The following HBB variants were observed in gnomAD, a reference collection of about 807,000 sequenced individuals.
HBB encodes Hb Monza protein.
A neutral mutation model predicts 9.7 loss-of-function variants in HBB; 18 were observed. The ratio of observed to expected loss-of-function variants is 1.86; its 90% CI spans 1.28 to 2.76. The LOEUF is 2.76. Ranked by LOEUF, HBB falls within the 30% of genes most tolerant of loss-of-function variation. The probability of loss-of-function intolerance (pLI) is 0.00; values close to 1 mark genes in which losing one functional copy is unlikely to be tolerated. For missense variants in HBB, 156 were observed against 177.0 expected (o/e 0.88, Z 0.67); for synonymous variants, 99 against 73.6 (o/e 1.35, Z -1.77).
At position 5,226,467 on chromosome 11, in the gene HBB, C is replaced by T. The variant is rs946957516; in HGVS notation, c.315+110G>A. The T allele has an allele frequency of 1.4e-5, 13 of 954,560 alleles. No individual in the cohort carries two copies. Among genetic ancestry groups the T allele is most frequent in the South Asian group, 4.0e-5 (3 of 74,284 alleles). 59.1% of individuals were successfully genotyped at this position (954,560 alleles called of 1,614,324 possible). On this transcript the variant is annotated intron_variant, in intron 2 of 2. Coordinates refer to ENST00000335295, the MANE Select transcript of HBB (RefSeq NM_000518.5). ...AGACTTCCACACTGATGCAATCATT[C>T]GTCTGTTTCCCATTCTAAACTGTAC...
intron 2 of HBB, 141 bp downstream of exon 2, chr11:5,226,436 A>G: frequency 1.3e-6 from 1 of 775,966 alleles, no homozygotes; most frequent in Non-Finnish European, 2.2e-6. Flanking sequence ...AACTAAAACG[A>G]TCCTGAGACT....
rs930802593 is a variant in HBB at position 5,225,833 on chromosome 11, C to G, written c.316-107G>C. The stretch of plus-strand genomic sequence containing the variant: ...CCATAAAATAAAAGCAGAATGGTAG[C>G]TGGATTGTAGCTGCTATTAGCAATA... On this transcript the variant is annotated intron_variant, in intron 2 of 2. Transcript: ENST00000335295. The G allele has an allele frequency of 8.6e-7, 1 of 1,156,310 alleles. No individual in the cohort carries two copies. The highest frequency in any genetic ancestry group is 1.5e-5 in the African/African-American group (1 of 66,034). The allele number at this position is 1,156,310 out of a possible 1,614,324, so 71.6% of individuals were successfully genotyped here.
rs33925391 is a variant in HBB, at chr11:5,225,662, A to C, written c.380T>G (p.Val127Gly). The stretch of plus-strand genomic sequence containing the variant: ...CACCACTTTCTGATAGGCAGCCTGC[A>C]CTGGTGGGGTGAATTCTTTGCCAAA... The part of the protein sequence containing the change: ...HHFGKEFTPP[V>G]QAAYQKVVAG... The change falls in exon 3 of 3, where the codon GTG (valine) becomes GGG (glycine). Residue 127 changes from valine (V) to glycine (G), a missense_variant. Coordinates refer to ENST00000335295, the MANE Select transcript of HBB (RefSeq NM_000518.5). The C allele has an allele frequency of 1.9e-6, 3 of 1,614,070 alleles. No individual in the cohort carries two copies. The highest frequency in any genetic ancestry group is 1.1e-5 in the South Asian group (1 of 91,078).
rs11549407 is a variant in HBB at position 5,226,774 on chromosome 11, G to A, written c.118C>T (p.Gln40Ter). 254 of 1,614,132 alleles carry A rather than the reference G, an allele frequency of 1.6e-4. No homozygotes were observed. Among genetic ancestry groups the A allele is most frequent in the Middle Eastern group, 6.6e-4 (4 of 6,062 alleles). The change falls in exon 2 of 3, where the codon CAG becomes TAG. Residue 40 changes from glutamine (Q) to a stop codon, truncating the protein, a stop_gained. Coordinates refer to ENST00000335295, the MANE Select transcript of HBB (RefSeq NM_000518.5). LOFTEE classifies it high-confidence loss of function. Reference protein sequence around the residue: ...GRLLVVYPWTQRFFESFGDLS... With the variant: ...GRLLVVYPWT ...TCCCCAAAGGACTCAAAGAACCTCTGGGTCCAAGGGTAGACCACCAGCAGC... is the reference window on the plus strand; with the variant it reads ...TCCCCAAAGGACTCAAAGAACCTCTAGGTCCAAGGGTAGACCACCAGCAGC...
rs34676051 is a variant in HBB at position 5,226,740 on chromosome 11, G to C, written c.152C>G (p.Thr51Ser). 7 of 1,614,058 alleles carry C rather than the reference G, an allele frequency of 4.3e-6. No homozygotes were observed. The Admixed American group carries it at 6.7e-5, about 15-fold the overall frequency. The change falls in exon 2 of 3, where the codon ACT (threonine) becomes AGT (serine). Residue 51 changes from threonine to serine, a missense_variant. Thr to Ser is a moderately conservative substitution (Grantham distance 58). Coordinates refer to ENST00000335295, the MANE Select transcript of HBB (RefSeq NM_000518.5). ...RFFESFGDLS[T>S]PDAVMGNPKV... ...AGGGTTGCCCATAACAGCATCAGGA[G>C]TGGACAGATCCCCAAAGGACTCAAA...
At chr11:5,225,776 C>A (rs762957058) in intron 2 of HBB, 50 bp from the exon 3 acceptor site, 1 of 1,604,342 alleles carries the variant, frequency 6.2e-7, no homozygotes, top group Non-Finnish European at 8.5e-7. Flanking sequence ...AAGGGCCTAG[C>A]TTGGACTCAG....
At position 5,227,006 on chromosome 11, in the gene HBB, G is replaced by A. The variant is rs33912272; in HGVS notation, c.16C>T (p.Pro6Ser). The part of the protein sequence containing the change: MVHLT[P>S]EEKSAVTALW... ...GCAGTAACGGCAGACTTCTCCTCAG[G>A]AGTCAGATGCACCATGGTGTCTGTT... Residue 6 changes from proline to serine, a missense_variant, in exon 1 of 3, where the codon CCT (proline) becomes TCT (serine). By Grantham distance (74) the Pro-to-Ser change is moderately conservative. Coordinates refer to ENST00000335295, the MANE Select transcript of HBB (RefSeq NM_000518.5). The A allele has an allele frequency of 1.6e-5, 26 of 1,610,008 alleles. No homozygotes were observed. The highest frequency in any genetic ancestry group is 2.2e-5 in the South Asian group (2 of 91,022).
rs1220042167 is a variant in HBB at position 5,225,588 on chromosome 11, G to A, written c.*10C>T. On this transcript the variant is annotated 3_prime_UTR_variant, in exon 3 of 3. Coordinates refer to ENST00000335295, the MANE Select transcript of HBB (RefSeq NM_000518.5). ...ACCTTTAATAGAAATTGGACAGCAA[G>A]AAAGCGAGCTTAGTGATACTTGTGG... The A allele has an allele frequency of 6.2e-7, 1 of 1,614,084 alleles. No homozygotes were observed. Among genetic ancestry groups the A allele is most frequent in the Non-Finnish European group, 8.5e-7 (1 of 1,179,938 alleles).
Position 5,225,520 on chromosome 11 carries a change from A to G in HBB, c.*78T>C, listed in dbSNP as rs1554917435. On this transcript the variant is annotated 3_prime_UTR_variant, in exon 3 of 3. Transcript: ENST00000335295. The stretch of plus-strand genomic sequence containing the variant: ...AGAATCCAGATGCTCAAGGCCCTTC[A>G]TAATATCCCCCAGTTTAGTAGTTGG... The G allele has an allele frequency of 2.2e-6, 3 of 1,388,814 alleles. No individual in the cohort carries two copies. The highest frequency in any genetic ancestry group is 2.3e-5 in the South Asian group (2 of 86,706). 86.0% of individuals were successfully genotyped at this position (1,388,814 alleles called of 1,614,324 possible).
Position 5,226,943 on chromosome 11 carries a change from C to CA in HBB, c.78dup (p.Glu27Ter), listed in dbSNP as rs35619688. The CA allele has an allele frequency of 6.2e-7, 1 of 1,613,724 alleles. No individual in the cohort carries two copies. Among genetic ancestry groups the CA allele is most frequent in the Middle Eastern group, 1.7e-4 (1 of 6,058 alleles). The stretch of plus-strand genomic sequence containing the variant: ...CTTGATACCAACCTGCCCAGGGCCT[C>CA]ACCACCAACTTCATCCACGTTCACC... On this transcript the variant is annotated frameshift_variant, in exon 1 of 3. Coordinates refer to ENST00000335295, the MANE Select transcript of HBB (RefSeq NM_000518.5). LOFTEE classifies it high-confidence loss of function.
chr11:5,226,561 C>G lies in HBB; in HGVS notation c.315+16G>C, dbSNP rs10768683. The G allele has an allele frequency of 0.82, 1,315,280 of 1,609,510 alleles. 542,678 individuals are homozygous for G. The highest frequency in any genetic ancestry group is 0.88 in the African/African-American group (65,715 of 74,916). On this transcript the variant is annotated intron_variant, in intron 2 of 2. Coordinates refer to ENST00000335295, the MANE Select transcript of HBB (RefSeq NM_000518.5). ...AAAGAAGGGGAAAGAAAACATCAAG[C>G]GTCCCATAGACTCACCCTGAAGTTC... is the stretch of plus-strand genomic sequence containing the variant.
rs1029410290 is a variant in HBB, at chr11:5,226,319, C to T, written c.315+258G>A. On this transcript the variant is annotated intron_variant, in intron 2 of 2. Transcript: ENST00000335295. ...CTCAGAGATATTTCCTTTTGTTATA[C>T]ACAATGTTAAGGCATTAAGTATAAT... is the stretch of plus-strand genomic sequence containing the variant. 5.1e-6 allele frequency: 3 copies of T among 583,900 alleles called. No homozygotes were observed. Among genetic ancestry groups the T allele is most frequent in the East Asian group, 5.6e-5 (2 of 35,564 alleles). The allele number at this position is 583,900 out of a possible 1,614,324, so 36.2% of individuals were successfully genotyped here.
At chr11:5,226,829 GAGAGAGTC>G in intron 1 of HBB, 30 bp from the exon 2 acceptor site, 1 of 1,596,218 alleles carries the variant, frequency 6.3e-7, no homozygotes, top group Non-Finnish European at 8.6e-7. Flanking sequence ...CCAATAGGCA[GAGAGAGTC>G]AGTGCCTATC....
At position 5,225,465 on chromosome 11, in the gene HBB, T is replaced by C. The variant is rs1847517758; in HGVS notation, c.*133A>G. The stretch of plus-strand genomic sequence containing the variant: ...TTCAGAAATAATTTAAATACATCAT[T>C]GCAATGAAAATAAATGTTTTTTATT... On this transcript the variant is annotated 3_prime_UTR_variant, in exon 3 of 3. Transcript: ENST00000335295. The C allele has an allele frequency of 1.2e-6, 1 of 848,574 alleles. No homozygotes were observed. The highest frequency in any genetic ancestry group is 2.0e-6 in the Non-Finnish European group (1 of 498,914). The allele number at this position is 848,574 out of a possible 1,614,324, so 52.6% of individuals were successfully genotyped here.
At position 5,226,470 on chromosome 11, in the gene HBB, C is replaced by T; in HGVS notation, c.315+107G>A. The T allele has an allele frequency of 1.0e-6, 1 of 991,720 alleles. No homozygotes were observed. Among genetic ancestry groups the T allele is most frequent in the Non-Finnish European group, 1.6e-6 (1 of 625,166 alleles). 61.4% of individuals were successfully genotyped at this position (991,720 alleles called of 1,614,324 possible). ...CTTCCACACTGATGCAATCATTCGT[C>T]TGTTTCCCATTCTAAACTGTACCCT... On this transcript the variant is annotated intron_variant, in intron 2 of 2. Coordinates refer to ENST00000335295, the MANE Select transcript of HBB (RefSeq NM_000518.5).
chr11:5,225,830 T>A lies in HBB; in HGVS notation c.316-104A>T, dbSNP rs2133586581. ...CAACCATAAAATAAAAGCAGAATGG[T>A]AGCTGGATTGTAGCTGCTATTAGCA... On this transcript the variant is annotated intron_variant, in intron 2 of 2. Coordinates refer to ENST00000335295, the MANE Select transcript of HBB (RefSeq NM_000518.5). The A allele has an allele frequency of 5.1e-6, 6 of 1,187,048 alleles. No homozygotes were observed. Among genetic ancestry groups the A allele is most frequent in the Non-Finnish European group, 7.5e-6 (6 of 796,128 alleles). The allele number at this position is 1,187,048 out of a possible 1,614,324, so 73.5% of individuals were successfully genotyped here.
At position 5,225,664 on chromosome 11, in the gene HBB, T is replaced by A. The variant is rs1554917555; in HGVS notation, c.378A>T (p.Pro126=). The A allele has an allele frequency of 3.7e-6, 6 of 1,614,060 alleles. No homozygotes were observed. Among genetic ancestry groups the A allele is most frequent in the Non-Finnish European group, 4.2e-6 (5 of 1,179,942 alleles). The change falls in exon 3 of 3, where the codon CCA becomes CCT. Residue 126 remains proline (P), a synonymous_variant. Transcript: ENST00000335295. ...CCACTTTCTGATAGGCAGCCTGCAC[T>A]GGTGGGGTGAATTCTTTGCCAAAGT... ...AHHFGKEFTP[P]VQAAYQKVVA...
In HBB at chr11:5,225,755, A is replaced by G. The variant is rs1847533217; in HGVS notation, c.316-29T>C. ...TGGGAGGAAGATAAGAGGTATGAAC[A>G]TGATTAGCAAAAGGGCCTAGCTTGG... is the stretch of plus-strand genomic sequence containing the variant. On this transcript the variant is annotated intron_variant, in intron 2 of 2. Coordinates refer to ENST00000335295, the MANE Select transcript of HBB (RefSeq NM_000518.5). 1 of 1,613,276 alleles carries G rather than the reference A, an allele frequency of 6.2e-7. No individual in the cohort carries two copies. The highest frequency in any genetic ancestry group is 8.5e-7 in the Non-Finnish European group (1 of 1,179,284).
At position 5,226,863 on chromosome 11, in the gene HBB, T is replaced by C. The variant is rs2133589012; in HGVS notation, c.93-64A>G. The C allele has an allele frequency of 6.3e-7, 1 of 1,593,620 alleles. No homozygotes were observed. Among genetic ancestry groups the C allele is most frequent in the Non-Finnish European group, 8.6e-7 (1 of 1,161,432 alleles). ...AGTGCCTATCAGAAACCCAAGAGTCTTCTCTGTCTCCACATGCCCAGTTTC... is the reference window on the plus strand; with the variant it reads ...AGTGCCTATCAGAAACCCAAGAGTCCTCTCTGTCTCCACATGCCCAGTTTC... On this transcript the variant is annotated intron_variant, in intron 1 of 2. Transcript: ENST00000335295.
Sources: allele counts gnomAD v4.1 joint callset, GRCh38; gene constraint gnomAD v4.1.1; transcripts MANE v1.5; gene names NCBI Gene and HGNC (gene_info 2026-07-23, HGNC 2026-07-21).